Variants in TUSC3 observed in about 807,000 individuals in gnomAD.
TUSC3 encodes the protein dolichyl-diphosphooligosaccharide--protein glycosyltransferase subunit TUSC3.
Under a neutral mutation model 44.8 loss-of-function variants are expected in TUSC3, and 45 were observed. The observed-to-expected ratio is 1.00, with a 90% CI of 0.79 to 1.29. The LOEUF is 1.29. Ranked by LOEUF, TUSC3 falls within the 50% of genes most tolerant of loss-of-function variation. The pLI is 0.00. For synonymous variants in TUSC3, 212 were observed against 152.9 expected (o/e 1.39, Z -2.85); for missense variants, 519 against 437.9 (o/e 1.19, Z -1.65).
At chr8:15,599,754 C>A (rs1345079112) in intron 1 of TUSC3, among the ~76,000 whole-genome samples, 1 of 147,910 alleles carries the variant, frequency 6.8e-6, no homozygotes, top group Non-Finnish European at 1.5e-5. Flanking sequence ...TGTTTCTTAG[C>A]CCTCTATTCT....
At chr8:15,598,966 C>T (rs1309439399) in intron 1 of TUSC3, among the ~76,000 whole-genome samples, 2 of 151,712 alleles carry the variant, frequency 1.3e-5, no homozygotes, top group East Asian at 1.9e-4. Flanking sequence ...CCAAGGAATG[C>T]ATTTGCTGGA....
chr8:15,726,606 G>C (rs886319404), intron 6 of TUSC3, among the ~76,000 whole-genome samples: 2 of 152,132 alleles, frequency 1.3e-5, no homozygotes, highest in Non-Finnish European at 2.9e-5. Context: ...AGGAGTTTGA[G>C]ACCAGCCTGG....
At chr8:15,704,635 C>CTT (rs5889596) in intron 6 of TUSC3, among the ~76,000 whole-genome samples, 129,650 of 151,908 alleles carry the variant, frequency 0.85, 55,564 homozygotes, top group Non-Finnish European at 0.88. Flanking sequence ...CTAAAGGAAA[C>CTT]TCTTTTTTTT....
At chr8:15,541,852 G>C (rs1424961503) in intron 1 of TUSC3, among the ~76,000 whole-genome samples, 2 of 151,154 alleles carry the variant, frequency 1.3e-5, no homozygotes, top group Admixed American at 6.6e-5. Flanking sequence ...AGTTTTTTTT[G>C]TGGATTACCA....
At chr8:15,481,486 T>C (rs1800660564) in intron 1 of TUSC3, among the ~76,000 whole-genome samples, 1 of 152,106 alleles carries the variant, frequency 6.6e-6, no homozygotes, top group Non-Finnish European at 1.5e-5. Context: ...TCCTCAATCT[T>C]GCACCTCTCA....
At chr8:15,770,263 G>T (rs959927948), downstream of TUSC3, among the ~76,000 whole-genome samples, 4 of 152,130 alleles carry the variant, frequency 2.6e-5, no homozygotes, top group Non-Finnish European at 4.4e-5. Context: ...CCTTTGCAGG[G>T]ACATGGATGA....
intron 1 of TUSC3, among the ~76,000 whole-genome samples, chr8:15,428,076 G>A (rs930621784): frequency 2.8e-4 from 42 of 149,880 alleles, no homozygotes; most frequent in Admixed American, 2.7e-4. Flanking sequence ...CCATTAACTC[G>A]TCATTTAGCA....
intron 1 of TUSC3, among the ~76,000 whole-genome samples, chr8:15,598,651 AG>A (rs1473851717): frequency 6.6e-6 from 1 of 151,656 alleles, no homozygotes; most frequent in Non-Finnish European, 1.5e-5. Flanking sequence ...CTGTCTTCAT[AG>A]TTTTGCCTTT....
intron 1 of TUSC3, among the ~76,000 whole-genome samples, chr8:15,557,516 A>G (rs1362282242): frequency 3.0e-5 from 2 of 66,770 alleles, no homozygotes; most frequent in African/African-American, 8.9e-5. Context: ...TGAACTTTAA[A>G]GTAGTTTTTT....
chr8:15,753,853 C>G lies in TUSC3; in HGVS notation c.1029-3938C>G, dbSNP rs574781603. Among the ~76,000 whole-genome samples the G allele has an allele frequency of 8.6e-5, 13 of 151,756 alleles. 1 individual carries two copies. In the South Asian group the frequency reaches 2.5e-3, roughly 29 times the overall value. ...AATATATATCTATTCAATTAGTTAA[C>G]TAAAGAAAGAGCAAATGTGATGGCA... On this transcript the variant is annotated intron_variant, in intron 9 of 10. Coordinates refer to ENST00000503731, the MANE Select transcript of TUSC3 (RefSeq NM_006765.4).
intron 2 of TUSC3, among the ~76,000 whole-genome samples, chr8:15,497,702 G>T (rs1310106530): frequency 6.6e-6 from 1 of 151,544 alleles, no homozygotes; most frequent in Non-Finnish European, 1.5e-5. Flanking sequence ...CGCAAGAGAA[G>T]TTTTCTTTTT....
At chr8:15,477,298 G>A (rs557609205) in intron 1 of TUSC3, among the ~76,000 whole-genome samples, 26 of 152,182 alleles carry the variant, frequency 1.7e-4, no homozygotes, top group African/African-American at 5.8e-4. Flanking sequence ...CAGTTTTCTA[G>A]GATAGAGTCT....
At chr8:15,655,521 A>G (rs1390888493) in intron 3 of TUSC3, among the ~76,000 whole-genome samples, 1 of 152,214 alleles carries the variant, frequency 6.6e-6, no homozygotes, top group Admixed American at 6.5e-5. Flanking sequence ...ACTCCAAGTC[A>G]AAGTCCGAAC....
chr8:15,617,772 T>A (rs1198992386), intron 1 of TUSC3, among the ~76,000 whole-genome samples: 1 of 152,206 alleles, frequency 6.6e-6, no homozygotes, highest in Admixed American at 6.5e-5. Flanking sequence ...TTGTTAAAGT[T>A]TGGTTTTTAT....
At chr8:15,546,739 T>C (rs982814648) in intron 1 of TUSC3, among the ~76,000 whole-genome samples, 4 of 151,732 alleles carry the variant, frequency 2.6e-5, no homozygotes, top group African/African-American at 7.2e-5. Flanking sequence ...TTCTCCATGT[T>C]GGTCAGGCTG....
intron 7 of TUSC3, among the ~76,000 whole-genome samples, chr8:15,741,817 A>C (rs1448407005): frequency 2.6e-5 from 4 of 152,236 alleles, no homozygotes; most frequent in South Asian, 4.1e-4. Context: ...GATATTGCAG[A>C]AAAAATGATT....
At chr8:15,467,050 C>T (rs17576922) in intron 1 of TUSC3, among the ~76,000 whole-genome samples, 25,978 of 151,874 alleles carry the variant, frequency 0.17, 2,351 homozygotes, top group Middle Eastern at 0.24. Flanking sequence ...AAGGACAAAT[C>T]GAGATAAGTG....
intron 9 of TUSC3, among the ~76,000 whole-genome samples, chr8:15,750,717 C>T (rs147625269): frequency 1.4e-4 from 21 of 152,098 alleles, no homozygotes; most frequent in African/African-American, 5.1e-4. Context: ...ATGCCACTTA[C>T]GTTATTTCTG....
the TUSC3 span, among the ~76,000 whole-genome samples, chr8:15,826,754 G>A: frequency 6.8e-6 from 1 of 147,996 alleles, no homozygotes; most frequent in African/African-American, 2.5e-5. Flanking sequence ...AGGCTTTATG[G>A]TGAGGGAAAA....
Sources: gnomAD v4.1 joint callset for allele counts (sites outside exome capture counted in the v4.1 genomes callset) on GRCh38, gnomAD v4.1.1 for gene constraint, MANE v1.5 for transcripts, NCBI Gene and HGNC (gene_info 2026-07-23, HGNC 2026-07-21) for gene names.